The following CASP9 variants were observed in gnomAD, a reference collection of about 807,000 sequenced individuals.
CASP9 encodes caspase 9, also known as caspase-9.
Under a neutral mutation model 43.5 loss-of-function variants are expected in CASP9, and 29 were observed. The observed-to-expected ratio is 0.67, with a 90% CI of 0.50 to 0.91. The LOEUF is 0.91. Among genes scored for constraint, CASP9 ranks in the 40% least tolerant of loss-of-function variants. The pLI, the probability that CASP9 is intolerant of heterozygous loss-of-function variation, is 0.00. For missense variants in CASP9, 575 were observed against 537.4 expected, an observed-to-expected ratio of 1.07 and a Z score of -0.69; for synonymous variants, 206 against 211.9, an observed-to-expected ratio of 0.97 and a Z score of 0.24.
chr1:15,514,904 C>G (rs1238191453), intron 2 of CASP9, among the ~76,000 whole-genome samples: 1 of 152,048 alleles, frequency 6.6e-6, no homozygotes, highest in Non-Finnish European at 1.5e-5. Flanking sequence ...ACTTGGGAGG[C>G]TGAGGTGAGA....
chr1:15,509,460 C>CAAAAAAAAAAAAAAAA (rs563284288), intron 2 of CASP9, among the ~76,000 whole-genome samples: 3 of 105,670 alleles, frequency 2.8e-5, no homozygotes, highest in Non-Finnish European at 3.8e-5. Context: ...ACTAAAAATA[C>CAAAAAAAAAAAAAAAA]AAAAAAAAAA....
chr1:15,518,293 C>A lies in CASP9; in HGVS notation c.235G>T (p.Asp79Tyr), dbSNP rs745486934. 6 of 1,614,222 alleles carry A rather than the reference C, an allele frequency of 3.7e-6. No homozygotes were observed. In the South Asian group the frequency reaches 6.6e-5, roughly 18 times the overall value. ...GAAGCCAGCATGTCCTGGCCTGTGT[C>A]CTCTAAGCAGGAGATGAACAAAGGA... Reference protein sequence around the residue: ...ALPLFISCLEDTGQDMLASFL... With the variant: ...ALPLFISCLEYTGQDMLASFL... Residue 79 changes from aspartate (D) to tyrosine (Y), a missense_variant, in exon 2 of 9, where the codon GAC becomes TAC. By Grantham distance (160) the Asp-to-Tyr change is radical (BLOSUM62 -3). Coordinates refer to ENST00000333868, the MANE Select transcript of CASP9 (RefSeq NM_001229.5).
rs953172207 is a variant in CASP9, at chr1:15,504,558, G to A, written c.868+53C>T. The A allele has an allele frequency of 1.9e-6, 3 of 1,548,426 alleles. No homozygotes were observed. In the African/African-American group the frequency reaches 4.1e-5, roughly 21 times the overall value. On this transcript the variant is annotated intron_variant, in intron 6 of 8. Coordinates refer to ENST00000333868, the MANE Select transcript of CASP9 (RefSeq NM_001229.5). ...GGGCAGGCTGGAGAAAGAAGCAGGT[G>A]GCGGCTCCCTCCCCACCAGACCCAC...
At chr1:15,524,587 C>CGTCCCCGCACTGACCTCAA, upstream of CASP9, 2 of 966,582 alleles carry the variant, frequency 2.1e-6, no homozygotes, top group Non-Finnish European at 2.5e-6. Flanking sequence ...ACTGACCTCA[C>CGTCCCCGCACTGACCTCAA]GTCACCGCCC....
intron 1 of CASP9, among the ~76,000 whole-genome samples, chr1:15,520,886 G>A (rs551731789): frequency 2.6e-5 from 4 of 152,216 alleles, no homozygotes; most frequent in East Asian, 1.9e-4. Flanking sequence ...GGCTGGGCGC[G>A]GTGGCTCAAG....
Position 15,506,099 on chromosome 1 carries a change from G to C in CASP9, c.631-20C>G. The C allele has an allele frequency of 6.4e-7, 1 of 1,571,100 alleles. No homozygotes were observed. Among genetic ancestry groups the C allele is most frequent in the African/African-American group, 1.4e-5 (1 of 74,042 alleles). ...CATTTTCTACAAGAGAGGGCTGCAGGTGAGCCAGAAGCACGGATAGGTCTA... is the reference window on the plus strand; with the variant it reads ...CATTTTCTACAAGAGAGGGCTGCAGCTGAGCCAGAAGCACGGATAGGTCTA... On this transcript the variant is annotated intron_variant, in intron 4 of 8. Transcript: ENST00000333868.
At chr1:15,509,299 C>A (rs1459619230) in intron 2 of CASP9, among the ~76,000 whole-genome samples, 1 of 152,094 alleles carries the variant, frequency 6.6e-6, no homozygotes, top group African/African-American at 2.4e-5. Flanking sequence ...CACCGCTTCA[C>A]TGATACACGC....
At position 15,523,224 on chromosome 1, in the gene CASP9, G is replaced by A. The variant is rs755121294; in HGVS notation, c.132+845C>T. On this transcript the variant is annotated intron_variant, in intron 1 of 8. Transcript: ENST00000333868. ...AAAACATAAACTGAACACAGAAGGG[G>A]CTGGCCAAAGAGGGCAGGGTACGCT... 3.3e-5 allele frequency among the ~76,000 whole-genome samples: 5 copies of A among 152,238 alleles called. 1 individual carries two copies. The South Asian group carries it at 6.2e-4, about 19-fold the overall frequency.
intron 2 of CASP9, 94 bp from the exon 3 acceptor site, chr1:15,508,001 A>G (rs1709590304): frequency 2.2e-5 from 28 of 1,276,708 alleles, no homozygotes; most frequent in Non-Finnish European, 3.0e-5. Context: ...AGAACGGAGC[A>G]GCGAGAACTC....
intron 1 of CASP9, among the ~76,000 whole-genome samples, chr1:15,519,351 T>C (rs1436317039): frequency 6.6e-6 from 1 of 152,116 alleles, no homozygotes; most frequent in African/African-American, 2.4e-5. Flanking sequence ...GGCTAATGTT[T>C]GTATTTTTTG....
At chr1:15,494,862 CAAAAAAAAAAAA>C (rs563954013) in intron 7 of CASP9, among the ~76,000 whole-genome samples, 2 of 44,272 alleles carry the variant, frequency 4.5e-5, no homozygotes, top group African/African-American at 7.2e-5. Flanking sequence ...GATTCCATCT[CAAAAAAAAAAAA>C]AAAAAAAAAA....
At chr1:15,495,131 G>A in intron 7 of CASP9, 142 bp downstream of exon 7, 3 of 766,806 alleles carry the variant, frequency 3.9e-6, no homozygotes, top group Non-Finnish European at 4.1e-6. Context: ...GGCTCAGAGA[G>A]AAGTAACTTG....
At chr1:15,506,172 G>C in intron 4 of CASP9, 93 bp from the exon 5 acceptor site, 1 of 854,410 alleles carries the variant, frequency 1.2e-6, no homozygotes, top group Non-Finnish European at 2.0e-6. Context: ...AGCCTGGCCA[G>C]GCATGGTGGT....
At chr1:15,499,228 G>A in intron 6 of CASP9, among the ~76,000 whole-genome samples, 1 of 152,164 alleles carries the variant, frequency 6.6e-6, no homozygotes, top group African/African-American at 2.4e-5. Flanking sequence ...ACCAATGGCT[G>A]GGATTTTTCC....
intron 2 of CASP9, among the ~76,000 whole-genome samples, chr1:15,511,554 C>G (rs1709755671): frequency 6.6e-6 from 1 of 152,184 alleles, no homozygotes; most frequent in Admixed American, 6.5e-5. Context: ...CAAGCACACA[C>G]CACCACGCCC....
chr1:15,508,058 T>C, intron 2 of CASP9, 151 bp from the exon 3 acceptor site: 1 of 704,934 alleles, frequency 1.4e-6, no homozygotes, highest in East Asian at 2.7e-5. Flanking sequence ...GAGATCTGTT[T>C]AGAGGTTTCT....
At chr1:15,515,514 C>A (rs1203689046) in intron 2 of CASP9, among the ~76,000 whole-genome samples, 1 of 152,190 alleles carries the variant, frequency 6.6e-6, no homozygotes, top group Non-Finnish European at 1.5e-5. Flanking sequence ...CTGAAAACAA[C>A]CCACATGTCC....
chr1:15,496,911 A>G (rs1463500324), intron 6 of CASP9, among the ~76,000 whole-genome samples: 1 of 152,076 alleles, frequency 6.6e-6, no homozygotes, highest in Non-Finnish European at 1.5e-5. Context: ...GCTACTCGTG[A>G]GGCTGAGGTG....
At chr1:15,509,550 G>A (rs1435510411) in intron 2 of CASP9, among the ~76,000 whole-genome samples, 1 of 151,312 alleles carries the variant, frequency 6.6e-6, no homozygotes, top group Non-Finnish European at 1.5e-5. Flanking sequence ...CAGGAGAATC[G>A]CTTGAACCTG....
Sources: allele counts gnomAD v4.1 joint callset (sites outside exome capture counted in the v4.1 genomes callset), GRCh38; gene constraint gnomAD v4.1.1; transcripts MANE v1.5; gene names NCBI Gene and HGNC (gene_info 2026-07-23, HGNC 2026-07-21).